Variants in BMPR2 observed in about 807,000 individuals in gnomAD.
BMPR2 encodes the protein bone morphogenetic protein receptor type-2.
In BMPR2, 29 loss-of-function variants were observed where a neutral mutation model predicts 100.8. The observed-to-expected ratio is 0.29, with a 90% CI of 0.21 to 0.39. The LOEUF (loss-of-function observed/expected upper bound fraction) is 0.39. Ranked by LOEUF, BMPR2 falls within the 10% of genes least tolerant of loss-of-function variation. The probability of loss-of-function intolerance (pLI) is 1.00; values close to 1 mark genes in which losing one functional copy is unlikely to be tolerated. For missense variants in BMPR2, 1,011 were observed against 1,274.5 expected, an observed-to-expected ratio of 0.79 and a Z score of 3.15; for synonymous variants, 382 against 442.3, an observed-to-expected ratio of 0.86 and a Z score of 1.71.
Position 202,412,106 on chromosome 2 carries a change from T to C in BMPR2, c.76+34556T>C, listed in dbSNP as rs557042243. ...AAGGTTATACAAAAACTCTATACTA[T>C]TTTTGCATTTTTTCTGTAAGTTTAA... On this transcript the variant is annotated intron_variant, in intron 1 of 12. Coordinates refer to ENST00000374580, the MANE Select transcript of BMPR2 (RefSeq NM_001204.7). Among the ~76,000 whole-genome samples the C allele has an allele frequency of 2.0e-5, 3 of 152,284 alleles. No homozygotes were observed. The South Asian group carries it at 6.2e-4, about 32-fold the overall frequency.
chr2:202,553,688 T>G (rs769129997), intron 11 of BMPR2, among the ~76,000 whole-genome samples: 7 of 152,122 alleles, frequency 4.6e-5, no homozygotes, highest in East Asian at 3.8e-4. Context: ...TTTTGTTTTT[T>G]TTTGTTTGTT....
chr2:202,424,690 C>T lies in BMPR2; in HGVS notation c.77-40119C>T, dbSNP rs575123862. 3.9e-5 allele frequency among the ~76,000 whole-genome samples: 6 copies of T among 151,980 alleles called. No homozygotes were observed. In the South Asian group the frequency reaches 6.2e-4, roughly 16 times the overall value. The stretch of plus-strand genomic sequence containing the variant: ...CAGCCTGGGCGACAGAGCGACACTC[C>T]GTCTCAAAAAATAAAATAAAAATAA... On this transcript the variant is annotated intron_variant, in intron 1 of 12. Transcript: ENST00000374580.
chr2:202,450,095 G>T (rs955639918), intron 1 of BMPR2, among the ~76,000 whole-genome samples: 1 of 151,962 alleles, frequency 6.6e-6, no homozygotes, highest in Non-Finnish European at 1.5e-5. Context: ...GGGCAACAGA[G>T]CGAGACTCCG....
At chr2:202,550,996 G>A (rs188874794) in intron 10 of BMPR2, among the ~76,000 whole-genome samples, 57 of 113,196 alleles carry the variant, frequency 5.0e-4, no homozygotes, top group Non-Finnish European at 7.2e-4. Flanking sequence ...TTGCTCTGTC[G>A]CCCAGGCTGG....
intron 2 of BMPR2, among the ~76,000 whole-genome samples, chr2:202,466,690 C>A (rs1168073552): frequency 6.6e-6 from 1 of 151,936 alleles, no homozygotes; most frequent in East Asian, 1.9e-4. Flanking sequence ...TGGCTCACTG[C>A]AACCTTGACC....
In BMPR2 at chr2:202,448,193, T is replaced by C. The variant is rs1691893643; in HGVS notation, c.77-16616T>C. ...GGCCAGGCGCGGTGGCTCAAGCCTC[T>C]AATCCCAGCACTTTGGGAGGCCGAG... On this transcript the variant is annotated intron_variant, in intron 1 of 12. Coordinates refer to ENST00000374580, the MANE Select transcript of BMPR2 (RefSeq NM_001204.7). Among the ~76,000 whole-genome samples the C allele has an allele frequency of 3.3e-5, 5 of 151,178 alleles. No individual in the cohort carries two copies. In the South Asian group the frequency reaches 1.0e-3, roughly 32 times the overall value.
At chr2:202,497,326 G>A (rs1693057180) in intron 3 of BMPR2, among the ~76,000 whole-genome samples, 1 of 152,222 alleles carries the variant, frequency 6.6e-6, no homozygotes, top group Admixed American at 6.5e-5. Context: ...CAAGCAGTGA[G>A]TACCATCGGA....
intron 7 of BMPR2, among the ~76,000 whole-genome samples, chr2:202,521,918 G>T (rs1418610511): frequency 2.0e-5 from 3 of 152,188 alleles, no homozygotes; most frequent in Non-Finnish European, 2.9e-5. Flanking sequence ...ACTTTGAAAG[G>T]CCAAGTGGAT....
chr2:202,557,386 C>T (rs1465833568), intron 12 of BMPR2, among the ~76,000 whole-genome samples: 1 of 151,768 alleles, frequency 6.6e-6, no homozygotes, highest in South Asian at 2.1e-4. Context: ...TTGCTTGAAC[C>T]CAGGAGGCGG....
chr2:202,435,277 T>C (rs1691591428), intron 1 of BMPR2, among the ~76,000 whole-genome samples: 2 of 146,122 alleles, frequency 1.4e-5, no homozygotes, highest in East Asian at 3.9e-4. Flanking sequence ...GGCTGGAGAA[T>C]TGCTTGAACC....
chr2:202,528,368 T>C (rs1002918346), intron 7 of BMPR2, among the ~76,000 whole-genome samples: 4 of 152,084 alleles, frequency 2.6e-5, no homozygotes, highest in African/African-American at 9.7e-5. Context: ...TTTGTATTTT[T>C]AGTAGAGACA....
rs200696860 is a variant in BMPR2, at chr2:202,437,066, C to T, written c.77-27743C>T. 1.9e-4 allele frequency among the ~76,000 whole-genome samples: 28 copies of T among 150,318 alleles called. 2 individuals are homozygous for T. Among genetic ancestry groups the T allele is most frequent in the African/African-American group, 6.5e-4 (26 of 39,750 alleles). ...TTGGTCCGAGGCTGGAGTGCAGTGG[C>T]GTGATCTCGGCTCACTGCAACCTCT... is the stretch of plus-strand genomic sequence containing the variant. On this transcript the variant is annotated intron_variant, in intron 1 of 12. Transcript: ENST00000374580.
intron 1 of BMPR2, among the ~76,000 whole-genome samples, chr2:202,432,283 A>G (rs1468877355): frequency 6.6e-6 from 1 of 150,824 alleles, no homozygotes; most frequent in Non-Finnish European, 1.5e-5. Context: ...ATAAGCAGAA[A>G]AGTAATTAAT....
intron 1 of BMPR2, among the ~76,000 whole-genome samples, chr2:202,393,404 A>G (rs1690589895): frequency 6.6e-6 from 1 of 152,136 alleles, no homozygotes; most frequent in South Asian, 2.1e-4. Context: ...TCTATACTGG[A>G]GTAGGCTCCA....
intron 1 of BMPR2, among the ~76,000 whole-genome samples, chr2:202,425,023 A>G (rs1426815092): frequency 1.3e-5 from 2 of 151,810 alleles, no homozygotes; most frequent in Admixed American, 6.6e-5. Flanking sequence ...CAGTGGTGCA[A>G]TCTCGGCTCA....
At chr2:202,548,941 T>C (rs1300089585) in intron 10 of BMPR2, among the ~76,000 whole-genome samples, 1 of 152,176 alleles carries the variant, frequency 6.6e-6, no homozygotes, top group African/African-American at 2.4e-5. Context: ...TTTTGATATA[T>C]GTATACACCC....
Position 202,376,459 on chromosome 2 carries a change from C to T in BMPR2, c.-1016C>T, listed in dbSNP as rs1486624027. 1.4e-5 allele frequency among the ~76,000 whole-genome samples: 2 copies of T among 145,330 alleles called. No individual in the cohort carries two copies. The highest frequency in any genetic ancestry group is 6.9e-5 in the Admixed American group (1 of 14,426). ...ATCCGCCCTCCCGCCGCCCCCCGCCCTCGGTCCGCGACGCCCGAGTTCCGT... is the reference window on the plus strand; with the variant it reads ...ATCCGCCCTCCCGCCGCCCCCCGCCTTCGGTCCGCGACGCCCGAGTTCCGT... On this transcript the variant is annotated 5_prime_UTR_variant, in exon 1 of 13. Coordinates refer to ENST00000374580, the MANE Select transcript of BMPR2 (RefSeq NM_001204.7).
At chr2:202,533,434 G>A (rs1409856312) in intron 9 of BMPR2, among the ~76,000 whole-genome samples, 1 of 152,080 alleles carries the variant, frequency 6.6e-6, no homozygotes, top group Admixed American at 6.6e-5. Flanking sequence ...GGCTGAGATA[G>A]GAGAATTGCT....
intron 1 of BMPR2, among the ~76,000 whole-genome samples, chr2:202,407,776 A>G (rs570969042): frequency 6.6e-6 from 1 of 151,882 alleles, no homozygotes; most frequent in Non-Finnish European, 1.5e-5. Context: ...CAAAAAAAAA[A>G]CTGTATTTAT....
Sources: allele counts gnomAD v4.1 joint callset (sites outside exome capture counted in the v4.1 genomes callset), GRCh38; gene constraint gnomAD v4.1.1; transcripts MANE v1.5; gene names NCBI Gene and HGNC (gene_info 2026-07-23, HGNC 2026-07-21).